The following OTOG variants were observed in gnomAD, a reference collection of about 807,000 sequenced individuals.
OTOG encodes otogelin.
A neutral mutation model predicts 313.8 loss-of-function variants in OTOG; 296 were observed. The ratio of observed to expected loss-of-function variants is 0.94; its 90% confidence interval spans 0.86 to 1.04. The LOEUF (loss-of-function observed/expected upper bound fraction) is 1.04. Ranked by LOEUF, OTOG falls within the 50% of genes least tolerant of loss-of-function variation. The probability of loss-of-function intolerance (pLI) is 0.00; values close to 1 mark genes in which losing one functional copy is unlikely to be tolerated. For missense variants in OTOG, 3,948 were observed against 3,840.1 expected (o/e 1.03, Z -0.74); for synonymous variants, 1,533 against 1,554.9 (o/e 0.99, Z 0.33).
intron 53 of OTOG, 78 bp from the exon 54 acceptor site, chr11:17,643,383 C>T (rs1225363603): frequency 9.8e-7 from 1 of 1,016,430 alleles, no homozygotes; most frequent in Non-Finnish European, 1.3e-6. Flanking sequence ...CTGTACTCTG[C>T]CTGTTTCTGG....
intron 39 of OTOG, among the ~76,000 whole-genome samples, chr11:17,625,279 T>A (rs2134117617): frequency 6.6e-6 from 1 of 152,358 alleles, no homozygotes; most frequent in Middle Eastern, 3.4e-3. Flanking sequence ...TTCAGTGTTG[T>A]TGGCTGTGGG....
chr11:17,578,220 C>T (rs1463136967), intron 22 of OTOG, 153 bp from the exon 23 acceptor site: 23 of 1,382,720 alleles, frequency 1.7e-5, no homozygotes, highest in South Asian at 3.5e-5. Context: ...CTCTGTGAGG[C>T]GTATCTGGGA....
At position 17,570,331 on chromosome 11, in the gene OTOG, G is replaced by T; in HGVS notation, c.1896G>T (p.Trp632Cys). The T allele has an allele frequency of 1.3e-6, 2 of 1,550,694 alleles. No homozygotes were observed. Among genetic ancestry groups the T allele is most frequent in the Non-Finnish European group, 1.7e-6 (2 of 1,147,014 alleles). ...TGTACCTGCAAGTGGACCAGCGATG[G>T]GTGGAGGATACCGTGGGCCTCTGCG... ...LRLYLQVDQR[W>C]VEDTVGLCGT... Residue 632 changes from tryptophan to cysteine, a missense_variant, in exon 17 of 56, where the codon TGG (tryptophan) becomes TGT (cysteine). Coordinates refer to ENST00000399397, the MANE Select transcript of OTOG (RefSeq NM_001292063.2).
chr11:17,552,531 C>CTGTGTCT (rs1851959107), intron 4 of OTOG, among the ~76,000 whole-genome samples: 15 of 44,568 alleles, frequency 3.4e-4, no homozygotes, highest in Admixed American at 6.0e-4. Flanking sequence ...TTCCTACCTC[C>CTGTGTCT]CCCACCTGTC....
intron 23 of OTOG, among the ~76,000 whole-genome samples, chr11:17,584,429 G>GT (rs897842824): frequency 1.8e-4 from 28 of 151,622 alleles, no homozygotes; most frequent in African/African-American, 5.1e-4. Context: ...ATTTGCTGTA[G>GT]TTTTTTTTGC....
At chr11:17,550,850 C>T (rs1851916428) in intron 3 of OTOG, among the ~76,000 whole-genome samples, 1 of 152,214 alleles carries the variant, frequency 6.6e-6, no homozygotes, top group South Asian at 2.1e-4. Flanking sequence ...GGTGAGGACA[C>T]CAAAATCTGG....
Position 17,640,800 on chromosome 11 carries a change from G to T in OTOG, c.7991G>T (p.Gly2664Val). Residue 2664 changes from glycine to valine, a missense_variant, in exon 50 of 56, where the codon GGC (glycine) becomes GTC (valine). By Grantham distance (109) the Gly-to-Val change is moderately radical. Transcript: ENST00000399397. ...ATGCACAGCGTGGAGAATGTGTGTG[G>T]CTGCGCCAAGTACGAGTGTGGTGAG... The part of the protein sequence containing the change: ...EFMHSVENVC[G>V]CAKYECVKAP... 1.9e-6 allele frequency: 3 copies of T among 1,550,308 alleles called. No individual in the cohort carries two copies. Among genetic ancestry groups the T allele is most frequent in the Non-Finnish European group, 2.6e-6 (3 of 1,147,004 alleles).
At chr11:17,597,318 G>A (rs1010426065) in intron 30 of OTOG, among the ~76,000 whole-genome samples, 1 of 152,186 alleles carries the variant, frequency 6.6e-6, no homozygotes, top group African/African-American at 2.4e-5. Context: ...TTTGTTAGAA[G>A]AGTCAGGAGC....
intron 15 of OTOG, among the ~76,000 whole-genome samples, chr11:17,563,502 C>G (rs1306970759): frequency 6.6e-6 from 1 of 152,220 alleles, no homozygotes; most frequent in Non-Finnish European, 1.5e-5. Flanking sequence ...TAGAGAATGG[C>G]CCAGCCCTGG....
At chr11:17,592,504 G>C (rs1371952331) in intron 25 of OTOG, among the ~76,000 whole-genome samples, 1 of 152,116 alleles carries the variant, frequency 6.6e-6, no homozygotes, top group Non-Finnish European at 1.5e-5. Flanking sequence ...AACCACTCCA[G>C]TCAGGGATGA....
chr11:17,578,575 C>T, intron 23 of OTOG, 49 bp downstream of exon 23: 1 of 1,482,084 alleles, frequency 6.7e-7, no homozygotes, highest in Non-Finnish European at 8.9e-7. Context: ...GCTGGCAGAA[C>T]CAAGGGCCAC....
chr11:17,561,703 G>C lies in OTOG; in HGVS notation c.1540G>C (p.Asp514His). Residue 514 changes from aspartate (D) to histidine (H), a missense_variant, in exon 15 of 56, where the codon GAT becomes CAT. Physicochemically the swap from Asp to His is moderately conservative, Grantham distance 81. Coordinates refer to ENST00000399397, the MANE Select transcript of OTOG (RefSeq NM_001292063.2). Reference protein sequence around the residue: ...VTGDIHFTTFDGRRYTFPATC... With the variant: ...VTGDIHFTTFHGRRYTFPATC... The stretch of plus-strand genomic sequence containing the variant: ...TGGTGACATTCACTTCACAACCTTT[G>C]ATGGCCGCCGGTACACGTTCCCCGC... 6.4e-7 allele frequency: 1 copy of C among 1,550,474 alleles called. No individual in the cohort carries two copies. The highest frequency in any genetic ancestry group is 8.7e-7 in the Non-Finnish European group (1 of 1,146,966).
intron 50 of OTOG, 33 bp from the exon 51 acceptor site, chr11:17,640,880 G>A (rs1847955347): frequency 1.3e-6 from 2 of 1,549,188 alleles, no homozygotes; most frequent in African/African-American, 1.4e-5. Flanking sequence ...CCTGGGCTCT[G>A]GATGACTGTT....
chr11:17,641,429 G>C (rs1231366045), intron 51 of OTOG, among the ~76,000 whole-genome samples: 1 of 152,178 alleles, frequency 6.6e-6, no homozygotes. Context: ...TTCATGCCTA[G>C]TACTTAGGAT....
intron 35 of OTOG, 45 bp from the exon 36 acceptor site, chr11:17,609,610 G>A (rs1853473691): frequency 7.0e-7 from 1 of 1,429,538 alleles, no homozygotes. Flanking sequence ...GACCCCCGGG[G>A]CAGCAGTCAC....
chr11:17,550,744 AT>A, intron 3 of OTOG, among the ~76,000 whole-genome samples: 1 of 152,272 alleles, frequency 6.6e-6, no homozygotes, highest in African/African-American at 2.4e-5. Context: ...CATGAGATAG[AT>A]TAGTACCCGG....
chr11:17,590,551 C>T (rs1852906708), intron 24 of OTOG, among the ~76,000 whole-genome samples: 3 of 152,234 alleles, frequency 2.0e-5, no homozygotes, highest in Admixed American at 6.5e-5. Context: ...TCCCCTTGAC[C>T]GCCTTGAGCT....
intron 47 of OTOG, 33 bp downstream of exon 47, chr11:17,635,744 G>A (rs1854250164): frequency 1.3e-6 from 2 of 1,507,604 alleles, no homozygotes; most frequent in Non-Finnish European, 1.8e-6. Context: ...GCGGGCTGCG[G>A]CAGGAAGGGG....
In OTOG at chr11:17,639,300, G is replaced by A. The variant is rs1590060934; in HGVS notation, c.7895-123G>A. 3.9e-6 allele frequency: 4 copies of A among 1,021,314 alleles called. No individual in the cohort carries two copies. In the South Asian group the frequency reaches 4.3e-5, roughly 11 times the overall value. 63.3% of individuals were successfully genotyped at this position (1,021,314 alleles called of 1,614,324 possible). ...TGGGCCTCTTCCTCTCCTCTCCCAGGCCTGGCCTGGAGCTGGGTCTTCAGA... is the reference window on the plus strand; with the variant it reads ...TGGGCCTCTTCCTCTCCTCTCCCAGACCTGGCCTGGAGCTGGGTCTTCAGA... On this transcript the variant is annotated intron_variant, in intron 48 of 55. Transcript: ENST00000399397.
Sources: allele counts gnomAD v4.1 joint callset (sites outside exome capture counted in the v4.1 genomes callset), GRCh38; gene constraint gnomAD v4.1.1; transcripts MANE v1.5; gene names NCBI Gene and HGNC (gene_info 2026-07-23, HGNC 2026-07-21).